The following CAPN15 variants were observed in gnomAD, a reference collection of about 807,000 sequenced individuals.
The protein encoded by CAPN15 is calpain-15.
In CAPN15, 53 loss-of-function variants were observed where a neutral mutation model predicts 97.9. The observed-to-expected ratio is 0.54, with a 90% CI of 0.43 to 0.68. The LOEUF is 0.68. CAPN15 is among the 30% of genes least tolerant of loss of function. CAPN15 has a pLI of 0.00. For missense variants in CAPN15, 1,592 were observed against 1,589.8 expected (o/e 1.00, Z -0.02); for synonymous variants, 922 against 722.5 (o/e 1.28, Z -4.43).
Position 553,335 on chromosome 16 carries a change from C to A in CAPN15, c.3084-4C>A. On this transcript the variant is annotated splice_region_variant and splice_polypyrimidine_tract_variant and intron_variant, in intron 13 of 13. Transcript: ENST00000219611. ...CACAGGTCCTCACCGGTCCCCTCCCCCAGGCAGGTCCTGGTGATCTTGTCC... is the reference window on the plus strand; with the variant it reads ...CACAGGTCCTCACCGGTCCCCTCCCACAGGCAGGTCCTGGTGATCTTGTCC... 1 of 1,599,856 alleles carries A rather than the reference C, an allele frequency of 6.3e-7. No individual in the cohort carries two copies. The highest frequency in any genetic ancestry group is 1.1e-5 in the South Asian group (1 of 90,034).
intron 1 of CAPN15, among the ~76,000 whole-genome samples, chr16:530,942 C>T (rs1201419958): frequency 2.6e-5 from 4 of 152,254 alleles, no homozygotes; most frequent in Admixed American, 6.5e-5. Flanking sequence ...GCATCAGCCT[C>T]GCCATCCTGG....
chr16:548,322 G>A (rs1464565130), intron 4 of CAPN15, 35 bp downstream of exon 4: 1 of 1,438,588 alleles, frequency 7.0e-7, no homozygotes, highest in Non-Finnish European at 9.1e-7. Context: ...CTGCTCCTGA[G>A]CCTCCTGCTC....
chr16:534,151 C>A (rs919603991), intron 2 of CAPN15, among the ~76,000 whole-genome samples, 153 bp downstream of exon 2: 1 of 29,672 alleles, frequency 3.4e-5, no homozygotes, highest in Non-Finnish European at 4.9e-5. Flanking sequence ...CCTGCCTGCC[C>A]TGAAGAGCCT....
Position 547,232 on chromosome 16 carries a change from G to A in CAPN15, c.394G>A (p.Glu132Lys). The A allele has an allele frequency of 6.6e-7, 1 of 1,517,990 alleles. No homozygotes were observed. Among genetic ancestry groups the A allele is most frequent in the Non-Finnish European group, 8.8e-7 (1 of 1,139,062 alleles). 94.0% of individuals were successfully genotyped at this position (1,517,990 alleles called of 1,614,324 possible). The change falls in exon 4 of 14, where the codon GAG becomes AAG. Residue 132 changes from glutamate to lysine, a missense_variant. Physicochemically the swap from Glu to Lys is moderately conservative, Grantham distance 56. Coordinates refer to ENST00000219611, the MANE Select transcript of CAPN15 (RefSeq NM_005632.3). ...QCEDKDEEEK[E>K]EQEEEEGAAE... Reference sequence around the variant, plus strand: ...CGAGGACAAGGACGAGGAGGAGAAGGAGGAGCAGGAGGAGGAGGAGGGAGC... The same window carrying A: ...CGAGGACAAGGACGAGGAGGAGAAGAAGGAGCAGGAGGAGGAGGAGGGAGC...
intron 1 of CAPN15, among the ~76,000 whole-genome samples, chr16:532,902 C>T (rs2033375226): frequency 6.7e-6 from 1 of 149,446 alleles, no homozygotes; most frequent in Non-Finnish European, 1.5e-5. Flanking sequence ...GACACACCTG[C>T]ACACCATCCT....
intron 3 of CAPN15, among the ~76,000 whole-genome samples, chr16:544,723 TCCCCCACGTCGC>T (rs2034425829): frequency 3.6e-5 from 1 of 27,972 alleles, no homozygotes; most frequent in Non-Finnish European, 6.9e-5. Flanking sequence ...CCACGTCGCC[TCCCCCACGTCGC>T]CTCCCCCACG....
chr16:544,474 G>A (rs1263575830), intron 3 of CAPN15, among the ~76,000 whole-genome samples: 4 of 152,108 alleles, frequency 2.6e-5, no homozygotes, highest in East Asian at 3.9e-4. Context: ...TCACAGGCCC[G>A]CGGCCTCCAC....
chr16:533,240 T>G lies in CAPN15; in HGVS notation c.-189-706T>G, dbSNP rs146301013. ...TATCTCAAAAAATAAAATAAAAAAT[T>G]TAAAACCAACAAAAAAGAGGGTGAT... is the stretch of plus-strand genomic sequence containing the variant. On this transcript the variant is annotated intron_variant, in intron 1 of 13. Coordinates refer to ENST00000219611, the MANE Select transcript of CAPN15 (RefSeq NM_005632.3). Among the ~76,000 whole-genome samples, 199 of 152,000 alleles carry G rather than the reference T, an allele frequency of 1.3e-3. 5 individuals carry two copies. In the East Asian group the frequency reaches 0.03, roughly 23 times the overall value.
intron 3 of CAPN15, among the ~76,000 whole-genome samples, chr16:545,717 G>GGT (rs550278281): frequency 7.9e-4 from 120 of 152,330 alleles, no homozygotes; most frequent in African/African-American, 2.7e-3. Context: ...CCAAAGGGAG[G>GGT]GTGTGTCCCA....
At chr16:542,981 G>A (rs540294531) in intron 3 of CAPN15, among the ~76,000 whole-genome samples, 104 of 150,306 alleles carry the variant, frequency 6.9e-4, no homozygotes, top group African/African-American at 2.2e-3. Context: ...AACTTGGGAG[G>A]CGGAGGTTGC....
chr16:548,493 T>C (rs2034758970), intron 4 of CAPN15, among the ~76,000 whole-genome samples: 1 of 152,194 alleles, frequency 6.6e-6, no homozygotes. Flanking sequence ...TCCTTGCTGG[T>C]GACCGAGATG....
chr16:552,822 C>G lies in CAPN15; in HGVS notation c.2905-41C>G, dbSNP rs372357913. 1.3e-6 allele frequency: 2 copies of G among 1,560,340 alleles called. No individual in the cohort carries two copies. The highest frequency in any genetic ancestry group is 1.4e-5 in the African/African-American group (1 of 73,646). On this transcript the variant is annotated intron_variant, in intron 12 of 13. Coordinates refer to ENST00000219611, the MANE Select transcript of CAPN15 (RefSeq NM_005632.3). The surrounding 1 kb of genome is among the most constrained non-coding windows in gnomAD (Gnocchi z 6.4). ...GGCGTGGGGCAGGGGGAGTATGCCC[C>G]AGCACCTCCCCTGCCCCACAACTGC...
intron 3 of CAPN15, among the ~76,000 whole-genome samples, chr16:543,022 G>A (rs1350933746): frequency 1.3e-5 from 2 of 152,288 alleles, no homozygotes; most frequent in South Asian, 4.2e-4. Flanking sequence ...CTGCACTCCA[G>A]TGTGGGCGAC....
At chr16:528,811 G>A (rs1168561911) in intron 1 of CAPN15, 3 of 961,368 alleles carry the variant, frequency 3.1e-6, no homozygotes, top group Non-Finnish European at 3.7e-6. Flanking sequence ...GACTCCGTTG[G>A]GTGCTGAAGA....
Position 549,350 on chromosome 16 carries a change from C to A in CAPN15, c.1721C>A (p.Thr574Lys). Reference sequence around the variant, plus strand: ...GACCTGGTGGAGCGGGTGATGGTCACGCGCAGCCTGTGTGCAGAGGGCGCC... The same window carrying A: ...GACCTGGTGGAGCGGGTGATGGTCAAGCGCAGCCTGTGTGCAGAGGGCGCC... Reference protein sequence around the residue: ...RPDLVERVMVTRSLCAEGAYQ... With the variant: ...RPDLVERVMVKRSLCAEGAYQ... Residue 574 changes from threonine to lysine, a missense_variant, in exon 6 of 14, where the codon ACG becomes AAG. This residue lies in a region of CAPN15 where 65 missense variants were observed against 113.7 expected (regional missense o/e 0.57). Transcript: ENST00000219611. 1.3e-6 allele frequency: 2 copies of A among 1,595,894 alleles called. No homozygotes were observed. The highest frequency in any genetic ancestry group is 1.7e-6 in the Non-Finnish European group (2 of 1,177,632).
intron 1 of CAPN15, among the ~76,000 whole-genome samples, chr16:529,905 G>T (rs1354313882): frequency 6.6e-6 from 1 of 152,140 alleles, no homozygotes; most frequent in Non-Finnish European, 1.5e-5. Flanking sequence ...ACAGAAGAAG[G>T]AGGCCCCCAA....
At position 535,035 on chromosome 16, in the gene CAPN15, A is replaced by C. The variant is rs2141966291; in HGVS notation, c.-136-994A>C. 6.6e-6 allele frequency among the ~76,000 whole-genome samples: 1 copy of C among 152,130 alleles called. No homozygotes were observed. The highest frequency in any genetic ancestry group is 1.9e-4 in the East Asian group (1 of 5,176). On this transcript the variant is annotated intron_variant, in intron 2 of 13. Coordinates refer to ENST00000219611, the MANE Select transcript of CAPN15 (RefSeq NM_005632.3). This position sits in a 1 kb window ranked among gnomAD's most constrained non-coding sequence, Gnocchi z 6.2. ...TGAGGAGTGTATGCGGAGTGGACAC[A>C]GCTGTGGGTGCCGCCCGCGCAAGGC...
Position 549,421 on chromosome 16 carries a change from G to T in CAPN15, c.1792G>T (p.Val598Leu). ...CKDGTWTTVLVDDMLPCDEAG... is the reference protein window; with the variant it reads ...CKDGTWTTVLLDDMLPCDEAG... Reference sequence around the variant, plus strand: ...GGACGGCACGTGGACCACGGTGCTGGTGGACGACATGCTGCCCTGTGATGA... The same window carrying T: ...GGACGGCACGTGGACCACGGTGCTGTTGGACGACATGCTGCCCTGTGATGA... The change falls in exon 6 of 14, where the codon GTG becomes TTG. Residue 598 changes from valine (V) to leucine (L), a missense_variant. Val to Leu is a conservative substitution (Grantham distance 32). Coordinates refer to ENST00000219611, the MANE Select transcript of CAPN15 (RefSeq NM_005632.3). The T allele has an allele frequency of 6.3e-7, 1 of 1,599,880 alleles. No individual in the cohort carries two copies.
intron 3 of CAPN15, 117 bp downstream of exon 3, chr16:536,259 G>A (rs567163663): frequency 2.1e-5 from 4 of 186,788 alleles, no homozygotes; most frequent in South Asian, 3.6e-4. Flanking sequence ...CAGCACCCAC[G>A]GCCGAGATGC....
Sources: allele counts gnomAD v4.1 joint callset (sites outside exome capture counted in the v4.1 genomes callset), GRCh38; gene constraint gnomAD v4.1.1; regional missense constraint gnomAD v4.1.1; non-coding constraint Gnocchi (gnomAD v3.1); transcripts MANE v1.5; gene names NCBI Gene and HGNC (gene_info 2026-07-23, HGNC 2026-07-21).